The following KIF3B variants were observed in gnomAD, a reference collection of about 807,000 sequenced individuals.
KIF3B encodes the protein kinesin family member 3B.
KIF3B carries 38 observed loss-of-function variants against 74.3 expected under a neutral mutation model. The ratio of observed to expected loss-of-function variants is 0.51; its 90% CI spans 0.39 to 0.67. The LOEUF (loss-of-function observed/expected upper bound fraction) is 0.67, where lower values mean the gene tolerates loss of function less well. Among genes scored for constraint, KIF3B ranks in the 30% least tolerant of loss-of-function variants. KIF3B has a pLI of 0.00. For synonymous variants in KIF3B, 326 were observed against 342.5 expected, an observed-to-expected ratio of 0.95 and a Z score of 0.53; for missense variants, 649 against 932.0, an observed-to-expected ratio of 0.70 and a Z score of 3.95.
chr20:32,295,277 G>T (rs1415945574), intron 1 of KIF3B, among the ~76,000 whole-genome samples: 1 of 151,704 alleles, frequency 6.6e-6, no homozygotes, highest in Non-Finnish European at 1.5e-5. Context: ...TTACAAAAAA[G>T]GTGACGCCCC....
rs1358158642 is a variant in KIF3B, at chr20:32,316,745, C to T, written c.1630-11C>T. On this transcript the variant is annotated splice_polypyrimidine_tract_variant and intron_variant, in intron 4 of 8. Coordinates refer to ENST00000375712, the MANE Select transcript of KIF3B (RefSeq NM_004798.4). The stretch of plus-strand genomic sequence containing the variant: ...AGACACCCTCCTCACCTGCCTCTCC[C>T]CTCATTCCAGCTCTTCTCCAAGCTT... The T allele has an allele frequency of 2.5e-6, 4 of 1,613,656 alleles. No homozygotes were observed. Among genetic ancestry groups the T allele is most frequent in the East Asian group, 4.5e-5 (2 of 44,876 alleles).
chr20:32,324,114 A>G (rs995533458), intron 5 of KIF3B, among the ~76,000 whole-genome samples: 5 of 65,164 alleles, frequency 7.7e-5, no homozygotes, highest in Non-Finnish European at 1.2e-4. Flanking sequence ...AACTCAAAAG[A>G]AAAAAAAAAA....
At chr20:32,282,528 T>G (rs967973251) in intron 1 of KIF3B, among the ~76,000 whole-genome samples, 2 of 152,248 alleles carry the variant, frequency 1.3e-5, no homozygotes. Context: ...GATTGAAGCT[T>G]GACGTTCTTA....
intron 1 of KIF3B, among the ~76,000 whole-genome samples, chr20:32,303,119 G>A (rs1389571841): frequency 1.3e-5 from 2 of 152,162 alleles, no homozygotes; most frequent in African/African-American, 4.8e-5. Flanking sequence ...CCTTGATCTA[G>A]AAGATAATGA....
chr20:32,330,742 G>C (rs929759506), intron 8 of KIF3B, among the ~76,000 whole-genome samples: 2 of 152,188 alleles, frequency 1.3e-5, no homozygotes, highest in African/African-American at 4.8e-5. Flanking sequence ...AGGAAACCCA[G>C]CAAGTAAGGG....
rs71187110 is a variant in KIF3B, at chr20:32,333,632, C to CAAAAAAAAAAAAAAAAAAAAAAAAAA, written c.*2314_*2339dup. The CAAAAAAAAAAAAAAAAAAAAAAAAAA allele has an allele frequency of 1.8e-4, 6 of 33,808 alleles. 2 individuals carry two copies. Among genetic ancestry groups the CAAAAAAAAAAAAAAAAAAAAAAAAAA allele is most frequent in the African/African-American group, 4.5e-4 (5 of 11,058 alleles). The allele number at this position is 33,808 out of a possible 1,614,324, so 2.1% of individuals were successfully genotyped here. On this transcript the variant is annotated 3_prime_UTR_variant, in exon 9 of 9. Coordinates refer to ENST00000375712, the MANE Select transcript of KIF3B (RefSeq NM_004798.4). ...TGGGTGACAGAGTGAGACTCCCCCT[C>CAAAAAAAAAAAAAAAAAAAAAAAAAA]AAAAAAAAAAAAAAAAAAAAAAAAA...
chr20:32,310,654 C>T lies in KIF3B; in HGVS notation c.877C>T (p.Arg293Trp), dbSNP rs372761748. The stretch of plus-strand genomic sequence containing the variant: ...CGGCAAAAGCACTCACATTCCATAT[C>T]GGGACTCAAAGCTTACCAGGCTCCT... ...VDGKSTHIPY[R>W]DSKLTRLLQD... is the part of the protein sequence containing the mutation. Residue 293 changes from arginine (R) to tryptophan (W), a missense_variant, in exon 2 of 9, where the codon CGG becomes TGG. Coordinates refer to ENST00000375712, the MANE Select transcript of KIF3B (RefSeq NM_004798.4). This position sits in a 1 kb window ranked among gnomAD's most constrained non-coding sequence, Gnocchi z 6.5. 2.5e-6 allele frequency: 4 copies of T among 1,614,106 alleles called. No homozygotes were observed. Among genetic ancestry groups the T allele is most frequent in the Non-Finnish European group, 3.4e-6 (4 of 1,180,028 alleles).
rs779834187 is a variant in KIF3B at position 32,332,338 on chromosome 20, G to C, written c.*1019G>C. On this transcript the variant is annotated 3_prime_UTR_variant, in exon 9 of 9. Coordinates refer to ENST00000375712, the MANE Select transcript of KIF3B (RefSeq NM_004798.4). The stretch of plus-strand genomic sequence containing the variant: ...TATTGGTATAGAGAGCAGAAGAGTA[G>C]CTAGGCAGATGCAGAGATGGAGACA... The C allele has an allele frequency of 7.9e-5, 12 of 152,370 alleles. No homozygotes were observed. Among genetic ancestry groups the C allele is most frequent in the Non-Finnish European group, 1.5e-4 (10 of 68,136 alleles). 9.4% of individuals were successfully genotyped at this position (152,370 alleles called of 1,614,324 possible).
chr20:32,305,750 A>AC (rs1359679822), intron 1 of KIF3B, among the ~76,000 whole-genome samples: 1 of 138,716 alleles, frequency 7.2e-6, no homozygotes, highest in Non-Finnish European at 1.6e-5. Context: ...AAATTTTTGT[A>AC]TTTTTTTTTT....
chr20:32,293,191 T>A (rs568501460), intron 1 of KIF3B, among the ~76,000 whole-genome samples: 2 of 150,108 alleles, frequency 1.3e-5, no homozygotes, highest in African/African-American at 4.9e-5. Context: ...GAGGTTGACG[T>A]TGCAGTGAGC....
At chr20:32,299,933 A>C (rs987966956) in intron 1 of KIF3B, among the ~76,000 whole-genome samples, 1 of 149,656 alleles carries the variant, frequency 6.7e-6, no homozygotes, top group African/African-American at 2.5e-5. Flanking sequence ...GACTATAGGC[A>C]TGTGTCATCA....
intron 1 of KIF3B, among the ~76,000 whole-genome samples, chr20:32,305,667 C>T (rs2047766886): frequency 6.7e-6 from 1 of 149,698 alleles, no homozygotes; most frequent in Admixed American, 6.7e-5. Context: ...ACTGCAGCCT[C>T]CGCCTCCCAG....
chr20:32,324,767 G>A (rs2047894311), intron 5 of KIF3B, among the ~76,000 whole-genome samples: 1 of 152,130 alleles, frequency 6.6e-6, no homozygotes, highest in African/African-American at 2.4e-5. Context: ...GGTGGCTCAT[G>A]CCTATAATCC....
intron 3 of KIF3B, 54 bp downstream of exon 3, chr20:32,316,373 T>C: frequency 6.5e-7 from 1 of 1,537,050 alleles, no homozygotes; most frequent in Non-Finnish European, 9.0e-7. Flanking sequence ...GTGTTTATGC[T>C]GCAGAGCAAA....
At chr20:32,316,152 C>T in intron 2 of KIF3B, 66 bp from the exon 3 acceptor site, 1 of 946,346 alleles carries the variant, frequency 1.1e-6, no homozygotes, top group South Asian at 1.3e-5. Flanking sequence ...CACAGGCTCC[C>T]CTGTGAGGAA....
chr20:32,318,561 T>C (rs1408411268), intron 5 of KIF3B, among the ~76,000 whole-genome samples: 1 of 152,222 alleles, frequency 6.6e-6, no homozygotes, highest in Non-Finnish European at 1.5e-5. Flanking sequence ...ACACACTGTG[T>C]GGCCTTTTTG....
chr20:32,285,741 G>T (rs2047664802), intron 1 of KIF3B, among the ~76,000 whole-genome samples: 2 of 152,138 alleles, frequency 1.3e-5, no homozygotes, highest in Admixed American at 1.3e-4. Flanking sequence ...ACCTTGAGTT[G>T]GGTGATATTT....
chr20:32,297,587 G>C (rs2047722454), intron 1 of KIF3B, among the ~76,000 whole-genome samples: 1 of 152,112 alleles, frequency 6.6e-6, no homozygotes, highest in Admixed American at 6.6e-5. Flanking sequence ...TTAAAAAGAT[G>C]GGCTAGTATG....
chr20:32,320,500 T>C (rs530269007), intron 5 of KIF3B, among the ~76,000 whole-genome samples: 1 of 151,224 alleles, frequency 6.6e-6, no homozygotes, highest in Non-Finnish European at 1.5e-5. Flanking sequence ...TGTGTGTGTG[T>C]GCATGTGTGT....
Sources: allele counts gnomAD v4.1 joint callset (sites outside exome capture counted in the v4.1 genomes callset), GRCh38; gene constraint gnomAD v4.1.1; non-coding constraint Gnocchi (gnomAD v3.1); transcripts MANE v1.5; gene names NCBI Gene and HGNC (gene_info 2026-07-23, HGNC 2026-07-21).